DOCK3: variants seen among roughly 807,000 people sequenced by gnomAD.
DOCK3 encodes dedicator of cytokinesis 3, also known as dedicator of cytokinesis protein 3.
Under a neutral mutation model 265.6 loss-of-function variants are expected in DOCK3, and 60 were observed. The observed-to-expected ratio is 0.23, with a 90% CI of 0.18 to 0.28. DOCK3 has a LOEUF of 0.28. DOCK3 is among the 10% of genes least tolerant of loss of function. DOCK3 has a pLI of 1.00. For synonymous variants in DOCK3, 881 were observed against 938.0 expected (o/e 0.94, Z 1.11); for missense variants, 1,981 against 2,594.3 (o/e 0.76, Z 5.14).
At chr3:51,363,864 A>G (rs2086928273) in intron 49 of DOCK3, among the ~76,000 whole-genome samples, 1 of 152,088 alleles carries the variant, frequency 6.6e-6, no homozygotes, top group South Asian at 2.1e-4. Context: ...TATGTGCCAC[A>G]TTTTCTTAAT....
chr3:51,269,907 G>C (rs1196365845), intron 23 of DOCK3, among the ~76,000 whole-genome samples: 8 of 149,700 alleles, frequency 5.3e-5, no homozygotes, highest in Non-Finnish European at 1.0e-4. Context: ...TGGGGAAACA[G>C]AGAATTAGGC....
At chr3:50,961,948 C>T (rs1412869785) in intron 5 of DOCK3, among the ~76,000 whole-genome samples, 4 of 151,890 alleles carry the variant, frequency 2.6e-5, no homozygotes, top group Admixed American at 1.3e-4. Context: ...TTGTTTAGTT[C>T]GTAGTACACA....
At chr3:51,205,473 C>T (rs970077100) in intron 12 of DOCK3, among the ~76,000 whole-genome samples, 2 of 150,828 alleles carry the variant, frequency 1.3e-5, no homozygotes, top group African/African-American at 4.9e-5. Context: ...GCGGGAGGAT[C>T]GCTTGAGTTC....
chr3:51,058,203 G>A (rs1325940135), intron 5 of DOCK3, among the ~76,000 whole-genome samples: 3 of 152,150 alleles, frequency 2.0e-5, no homozygotes, highest in Non-Finnish European at 2.9e-5. Flanking sequence ...GAAGCAGCCA[G>A]ACTAGTTAAA....
intron 12 of DOCK3, among the ~76,000 whole-genome samples, chr3:51,161,834 T>G (rs975404117): frequency 6.6e-6 from 1 of 152,210 alleles, no homozygotes; most frequent in African/African-American, 2.4e-5. Flanking sequence ...AAGATATTAT[T>G]CTTCACTTGT....
intron 1 of DOCK3, among the ~76,000 whole-genome samples, chr3:50,698,766 A>G (rs1215187391): frequency 2.0e-5 from 3 of 151,624 alleles, no homozygotes; most frequent in Non-Finnish European, 2.9e-5. Context: ...CTGATGGCTG[A>G]TGATGTTGAG....
intron 4 of DOCK3, chr3:50,900,920 G>T (rs1246076358): frequency 2.3e-6 from 1 of 432,602 alleles, no homozygotes; most frequent in Admixed American, 2.6e-5. Flanking sequence ...GCTCCCTGTT[G>T]GGAGGTGTCT....
intron 27 of DOCK3, among the ~76,000 whole-genome samples, chr3:51,308,123 C>T (rs2082804698): frequency 6.6e-6 from 1 of 151,892 alleles, no homozygotes. Flanking sequence ...CATGATTCTA[C>T]AGCAGCTTGT....
At chr3:50,797,611 A>G (rs766045502) in intron 2 of DOCK3, among the ~76,000 whole-genome samples, 12 of 152,176 alleles carry the variant, frequency 7.9e-5, no homozygotes, top group Non-Finnish European at 1.5e-4. Context: ...ACTGTTCTCC[A>G]TAGTGGTATA....
At chr3:51,085,911 C>A (rs1156782428) in intron 7 of DOCK3, among the ~76,000 whole-genome samples, 1 of 151,824 alleles carries the variant, frequency 6.6e-6, no homozygotes, top group Non-Finnish European at 1.5e-5. Context: ...ATCGATAAAC[C>A]ACTAGACTAA....
intron 49 of DOCK3, among the ~76,000 whole-genome samples, chr3:51,370,460 T>G (rs1394282871): frequency 6.6e-6 from 1 of 152,230 alleles, no homozygotes; most frequent in Non-Finnish European, 1.5e-5. Flanking sequence ...TCCAGATACT[T>G]AGTGTCCTGA....
intron 5 of DOCK3, among the ~76,000 whole-genome samples, chr3:50,968,717 T>G (rs1326121145): frequency 6.6e-6 from 1 of 152,024 alleles, no homozygotes; most frequent in African/African-American, 2.4e-5. Context: ...GCCCAGCTAA[T>G]TTTTGTATTT....
chr3:51,223,279 A>G (rs911963523), intron 14 of DOCK3, among the ~76,000 whole-genome samples: 1 of 152,180 alleles, frequency 6.6e-6, no homozygotes, highest in Non-Finnish European at 1.5e-5. Flanking sequence ...ATATATAACT[A>G]GGAAAAGTTT....
intron 13 of DOCK3, among the ~76,000 whole-genome samples, chr3:51,213,679 A>G (rs1348184661): frequency 1.3e-5 from 2 of 152,202 alleles, no homozygotes; most frequent in African/African-American, 4.8e-5. Context: ...CATAAAACAC[A>G]GCACATCTTA....
chr3:51,166,300 C>T (rs1188264332), intron 12 of DOCK3, among the ~76,000 whole-genome samples: 1 of 152,134 alleles, frequency 6.6e-6, no homozygotes, highest in Non-Finnish European at 1.5e-5. Context: ...ATCCGCCTGC[C>T]TCAGCCTCCC....
intron 12 of DOCK3, among the ~76,000 whole-genome samples, chr3:51,161,515 G>T (rs1191173072): frequency 2.0e-5 from 3 of 152,118 alleles, no homozygotes; most frequent in Non-Finnish European, 4.4e-5. Context: ...TTGGGGTGGG[G>T]CCCAGGCAGC....
chr3:51,074,971 C>A (rs1407336721), intron 6 of DOCK3, among the ~76,000 whole-genome samples: 2 of 152,034 alleles, frequency 1.3e-5, no homozygotes, highest in Non-Finnish European at 2.9e-5. Context: ...AGATTTTTTT[C>A]ATCCTAATGA....
intron 9 of DOCK3, among the ~76,000 whole-genome samples, chr3:51,140,877 A>T (rs990974875): frequency 6.6e-6 from 1 of 151,994 alleles, no homozygotes; most frequent in Non-Finnish European, 1.5e-5. Flanking sequence ...TCATGTGTTT[A>T]TTTGCCATTT....
chr3:50,865,931 G>A (rs1283341394), intron 3 of DOCK3, among the ~76,000 whole-genome samples: 1 of 152,076 alleles, frequency 6.6e-6, no homozygotes, highest in Non-Finnish European at 1.5e-5. Context: ...TCATATGCCG[G>A]TTTTGCAGTT....
Sources: allele counts gnomAD v4.1 joint callset (sites outside exome capture counted in the v4.1 genomes callset), GRCh38; gene constraint gnomAD v4.1.1; transcripts MANE v1.5; gene names NCBI Gene and HGNC (gene_info 2026-07-23, HGNC 2026-07-21).